The following USH2A variants were observed in gnomAD, a reference collection of about 807,000 sequenced individuals.
USH2A encodes Usher syndrome 2A (autosomal recessive, mild).
In USH2A, 443 loss-of-function variants were observed where a neutral mutation model predicts 538.9. The observed-to-expected ratio is 0.82, with a 90% confidence interval of 0.76 to 0.89. USH2A has a LOEUF of 0.89. USH2A is among the 40% of genes least tolerant of loss of function. The pLI, the probability that USH2A is intolerant of heterozygous loss-of-function variation, is 0.00. For missense variants in USH2A, 6,633 were observed against 6,324.8 expected (o/e 1.05, Z -1.65); for synonymous variants, 2,413 against 2,273.5 (o/e 1.06, Z -1.75).
At chr1:216,013,500 T>C (rs1668627718) in intron 32 of USH2A, among the ~76,000 whole-genome samples, 1 of 152,122 alleles carries the variant, frequency 6.6e-6, no homozygotes, top group South Asian at 2.1e-4. Flanking sequence ...ATATCCCCTG[T>C]GACCTGCACG....
At chr1:215,797,531 T>C (rs1390646479) in intron 50 of USH2A, among the ~76,000 whole-genome samples, 1 of 152,110 alleles carries the variant, frequency 6.6e-6, no homozygotes. Flanking sequence ...CTGGTGACTT[T>C]AAGTGGAAGC....
chr1:215,859,649 C>T (rs1056155713), intron 44 of USH2A, among the ~76,000 whole-genome samples: 1 of 152,134 alleles, frequency 6.6e-6, no homozygotes, highest in African/African-American at 2.4e-5. Context: ...CTTTGGTGTA[C>T]TTAGGGGGCA....
At chr1:215,763,383 A>G (rs1661035378) in intron 56 of USH2A, among the ~76,000 whole-genome samples, 1 of 152,120 alleles carries the variant, frequency 6.6e-6, no homozygotes, top group South Asian at 2.1e-4. Flanking sequence ...GTTGTAGTGG[A>G]AGATTTCCAG....
In USH2A at chr1:215,823,495, T is replaced by C. The variant is rs1202619458; in HGVS notation, c.9372-6300A>G. On this transcript the variant is annotated intron_variant, in intron 47 of 71. Transcript: ENST00000307340. ...CTCTTTGTCACTGACCTTTAAGAAT[T>C]TGATTGTTATATGCCTTGGAATAAT... 2.0e-5 allele frequency among the ~76,000 whole-genome samples: 3 copies of C among 152,106 alleles called. No homozygotes were observed. The South Asian group carries it at 6.2e-4, about 32-fold the overall frequency.
At chr1:215,789,928 A>C (rs1661932681) in intron 51 of USH2A, 131 bp downstream of exon 51, 3 of 807,420 alleles carry the variant, frequency 3.7e-6, no homozygotes, top group African/African-American at 3.5e-5. Context: ...CGGTATTAAT[A>C]TGGATGTAAT....
chr1:216,010,630 C>G (rs932884221), intron 32 of USH2A, among the ~76,000 whole-genome samples: 1 of 151,906 alleles, frequency 6.6e-6, no homozygotes, highest in Non-Finnish European at 1.5e-5. Context: ...CCCTTGCCTC[C>G]ATAACTGTTG....
intron 3 of USH2A, among the ~76,000 whole-genome samples, chr1:216,403,471 G>A (rs533940529): frequency 2.0e-4 from 30 of 152,102 alleles, no homozygotes; most frequent in African/African-American, 6.7e-4. Flanking sequence ...ATATTGGAAA[G>A]ATTAAAAAAA....
At chr1:215,802,021 G>A (rs1365638359) in intron 49 of USH2A, among the ~76,000 whole-genome samples, 1 of 113,744 alleles carries the variant, frequency 8.8e-6, no homozygotes, top group Non-Finnish European at 2.0e-5. Context: ...AATGAGGAAA[G>A]GACCTTTTTT....
intron 30 of USH2A, among the ~76,000 whole-genome samples, chr1:216,050,560 T>TTTTCTTTC (rs67191347): frequency 0.17 from 5,965 of 35,700 alleles, 1,277 homozygotes; most frequent in Non-Finnish European, 0.23. Context: ...ATTTGTATCT[T>TTTTCTTTC]TTTCTTTCTT....
Position 215,622,995 on chromosome 1 carries a change from C to CCTT in USH2A, c.*2783_*2785dup, listed in dbSNP as rs1655843862. The CCTT allele has an allele frequency of 6.6e-6, 1 of 151,996 alleles. No individual in the cohort carries two copies. Among genetic ancestry groups the CCTT allele is most frequent in the South Asian group, 2.1e-4 (1 of 4,822 alleles). 9.4% of individuals were successfully genotyped at this position (151,996 alleles called of 1,614,324 possible). ...TTCATTTGTGACATAATTAAAAGTT[C>CCTT]CTTATTAATGAATTCTTCCACTTGG... On this transcript the variant is annotated 3_prime_UTR_variant, in exon 72 of 72. Coordinates refer to ENST00000307340, the MANE Select transcript of USH2A (RefSeq NM_206933.4).
intron 21 of USH2A, among the ~76,000 whole-genome samples, chr1:216,139,918 G>A (rs187107153): frequency 4.7e-4 from 72 of 152,118 alleles, no homozygotes; most frequent in African/African-American, 1.7e-3. Flanking sequence ...TTCTTTTGGG[G>A]GAGCAAATTC....
Position 215,947,610 on chromosome 1 carries a change from T to A in USH2A, c.7121-12815A>T, listed in dbSNP as rs182712007. On this transcript the variant is annotated intron_variant, in intron 37 of 71. Transcript: ENST00000307340. ...TATTCACAGAAGGCACAGATTCTGT[T>A]TAATACATTGCATTGAATTCATAGT... Among the ~76,000 whole-genome samples, 446 of 152,278 alleles carry A rather than the reference T, an allele frequency of 2.9e-3. 6 individuals are homozygous for A. Among genetic ancestry groups the A allele is most frequent in the Non-Finnish European group, 1.3e-3 (87 of 68,016 alleles).
chr1:215,647,880 A>G, intron 66 of USH2A, 150 bp from the exon 67 acceptor site: 1 of 860,226 alleles, frequency 1.2e-6, no homozygotes, highest in Non-Finnish European at 1.9e-6. Context: ...AACTGCTCTC[A>G]GAAACACCTT....
At chr1:215,850,101 G>T (rs1663976983) in intron 44 of USH2A, among the ~76,000 whole-genome samples, 1 of 151,992 alleles carries the variant, frequency 6.6e-6, no homozygotes, top group African/African-American at 2.4e-5. Context: ...AAGTACTGAA[G>T]CTATTTAGAG....
At chr1:216,099,489 TTG>T (rs1165223825) in intron 21 of USH2A, among the ~76,000 whole-genome samples, 9 of 151,966 alleles carry the variant, frequency 5.9e-5, no homozygotes, top group South Asian at 4.1e-4. Context: ...AAATTAAAAT[TTG>T]AGTGGAGAGC....
chr1:215,651,132 T>G (rs1330252299), intron 64 of USH2A, among the ~76,000 whole-genome samples: 2 of 152,186 alleles, frequency 1.3e-5, no homozygotes, highest in African/African-American at 4.8e-5. Flanking sequence ...TGTCAGCTTC[T>G]GCAGACTGGA....
rs1487392425 is a variant in USH2A at position 216,247,171 on chromosome 1, A to C, written c.2223T>G (p.Asp741Glu). The change falls in exon 13 of 72, where the codon GAT becomes GAG. Residue 741 changes from aspartate to glutamate, a missense_variant. Coordinates refer to ENST00000307340, the MANE Select transcript of USH2A (RefSeq NM_206933.4). ...FGFKFLRSFNDVGCEPCQCNL... is the reference protein window; with the variant it reads ...FGFKFLRSFNEVGCEPCQCNL... The stretch of plus-strand genomic sequence containing the variant: ...TACACTGGCAGGGCTCACATCCAAC[A>C]TCATTAAAGCTTCGGAGAAATTTAA... The C allele has an allele frequency of 1.9e-6, 3 of 1,614,006 alleles. No individual in the cohort carries two copies. The highest frequency in any genetic ancestry group is 2.5e-6 in the Non-Finnish European group (3 of 1,179,958).
chr1:215,862,880 C>A (rs1349509494), intron 44 of USH2A, among the ~76,000 whole-genome samples: 1 of 152,088 alleles, frequency 6.6e-6, no homozygotes, highest in Admixed American at 6.6e-5. Flanking sequence ...TTTAAGTATC[C>A]CTGATCCCAA....
intron 55 of USH2A, among the ~76,000 whole-genome samples, chr1:215,771,642 A>G (rs2102752944): frequency 7.1e-6 from 1 of 141,120 alleles, no homozygotes; most frequent in African/African-American, 2.6e-5. Context: ...GGGACTATAT[A>G]TTTAAATATT....
Sources: gnomAD v4.1 joint callset for allele counts (sites outside exome capture counted in the v4.1 genomes callset) on GRCh38, gnomAD v4.1.1 for gene constraint, MANE v1.5 for transcripts, NCBI Gene and HGNC (gene_info 2026-07-23, HGNC 2026-07-21) for gene names.